The following TYW3 variants were observed in gnomAD, a reference collection of about 807,000 sequenced individuals.
The protein encoded by TYW3 is tRNA wybutosine-synthesizing protein 3 homolog.
TYW3 carries 26 observed loss-of-function variants against 23.1 expected under a neutral mutation model. That is an observed-to-expected ratio of 1.13 (90% CI 0.83 to 1.56). The LOEUF (loss-of-function observed/expected upper bound fraction) is 1.56. Ranked by LOEUF, TYW3 falls within the 40% of genes most tolerant of loss-of-function variation. The pLI is 0.00. For synonymous variants in TYW3, 102 were observed against 105.7 expected, an observed-to-expected ratio of 0.97 and a Z score of 0.21; for missense variants, 316 against 311.9, an observed-to-expected ratio of 1.01 and a Z score of -0.10.
Position 74,759,102 on chromosome 1 carries a change from A to G in TYW3, c.561-4792A>G, listed in dbSNP as rs368997963. ...TTCATAAATAGTGCTACTTTTTTTA[A>G]GGCTTCAAAGCATTAGGATGCTTAT... On this transcript the variant is annotated intron_variant, in intron 5 of 5. Transcript: ENST00000370867. 1.1e-3 allele frequency among the ~76,000 whole-genome samples: 169 copies of G among 152,314 alleles called. 3 individuals are homozygous for G. The highest frequency in any genetic ancestry group is 3.4e-3 in the Middle Eastern group (1 of 294).
At chr1:74,751,880 A>G (rs1224623782) in intron 4 of TYW3, among the ~76,000 whole-genome samples, 1 of 152,194 alleles carries the variant, frequency 6.6e-6, no homozygotes, top group Non-Finnish European at 1.5e-5. Context: ...TTACTCTTGT[A>G]ACTGTGCTCT....
At chr1:74,755,585 C>T (rs1048319185) in intron 5 of TYW3, among the ~76,000 whole-genome samples, 1 of 152,150 alleles carries the variant, frequency 6.6e-6, no homozygotes, top group Non-Finnish European at 1.5e-5. Context: ...TGTCAATGGA[C>T]ATTTAAGGTG....
At chr1:74,759,680 G>A (rs1281745323) in intron 5 of TYW3, among the ~76,000 whole-genome samples, 4 of 152,128 alleles carry the variant, frequency 2.6e-5, no homozygotes, top group African/African-American at 9.7e-5. Context: ...GGATCTCACT[G>A]TCACCCAGGC....
At chr1:74,754,663 G>A (rs1283241156) in intron 5 of TYW3, among the ~76,000 whole-genome samples, 2 of 151,750 alleles carry the variant, frequency 1.3e-5, no homozygotes, top group African/African-American at 4.8e-5. Context: ...TCAGCAATAA[G>A]AAATATTCTA....
At chr1:74,757,194 G>C (rs1392593185) in intron 5 of TYW3, among the ~76,000 whole-genome samples, 1 of 152,186 alleles carries the variant, frequency 6.6e-6, no homozygotes, top group Non-Finnish European at 1.5e-5. Flanking sequence ...GTCCCTACTC[G>C]GGCAATGCCT....
intron 5 of TYW3, among the ~76,000 whole-genome samples, 180 bp from the exon 6 acceptor site, chr1:74,763,714 C>G (rs1285459801): frequency 6.6e-6 from 1 of 152,030 alleles, no homozygotes; most frequent in African/African-American, 2.4e-5. Flanking sequence ...GTTTTCAGGG[C>G]TGTTCTTAAA....
At chr1:74,759,920 A>T (rs1269832381) in intron 5 of TYW3, among the ~76,000 whole-genome samples, 1 of 152,204 alleles carries the variant, frequency 6.6e-6, no homozygotes, top group East Asian at 1.9e-4. Context: ...TTGGGATTAC[A>T]TGCATAAGCC....
chr1:74,738,679 C>A lies in TYW3; in HGVS notation c.256-11C>A. On this transcript the variant is annotated splice_polypyrimidine_tract_variant and intron_variant, in intron 2 of 5. Coordinates refer to ENST00000370867, the MANE Select transcript of TYW3 (RefSeq NM_138467.3). ...TATACTTGCATCTGATACCACTGTT[C>A]ATTTATTTAGATTGTAGCTCTGAAG... 1 of 1,588,912 alleles carries A rather than the reference C, an allele frequency of 6.3e-7. No individual in the cohort carries two copies. Among genetic ancestry groups the A allele is most frequent in the Non-Finnish European group, 8.6e-7 (1 of 1,161,806 alleles).
At position 74,744,350 on chromosome 1, in the gene TYW3, TC is replaced by T. The variant is rs1159082603; in HGVS notation, c.355-4400del. ...GCCCTCAGGTGGCCATTTTTCCCCA[TC>T]AGAGAGAGAATATTGGGGCCAAGCT... On this transcript the variant is annotated intron_variant, in intron 3 of 5. Coordinates refer to ENST00000370867, the MANE Select transcript of TYW3 (RefSeq NM_138467.3). Among the ~76,000 whole-genome samples, 172 of 151,692 alleles carry T rather than the reference TC, an allele frequency of 1.1e-3. 1 individual carries two copies. The highest frequency in any genetic ancestry group is 3.9e-3 in the African/African-American group (160 of 41,344).
rs574838472 is a variant in TYW3 at position 74,764,860 on chromosome 1, A to G, written c.*747A>G. 1 of 152,318 alleles carries G rather than the reference A, an allele frequency of 6.6e-6. No homozygotes were observed. Among genetic ancestry groups the G allele is most frequent in the South Asian group, 2.1e-4 (1 of 4,824 alleles). The allele number at this position is 152,318 out of a possible 1,614,324, so 9.4% of individuals were successfully genotyped here. A position where few individuals can be genotyped will look rare whatever the true frequency, so the allele number is the denominator to read the frequency against. Reference sequence around the variant, plus strand: ...GGTATATAATGGATATGAGGCATCAAAAAGCATGGTATAGTCAGTGATGGG... The same window carrying G: ...GGTATATAATGGATATGAGGCATCAGAAAGCATGGTATAGTCAGTGATGGG... On this transcript the variant is annotated 3_prime_UTR_variant, in exon 6 of 6. Coordinates refer to ENST00000370867, the MANE Select transcript of TYW3 (RefSeq NM_138467.3).
intron 5 of TYW3, among the ~76,000 whole-genome samples, chr1:74,755,399 T>C (rs780500582): frequency 1.3e-5 from 2 of 152,216 alleles, no homozygotes; most frequent in Admixed American, 1.3e-4. Flanking sequence ...AATTCCACTA[T>C]TATAGGTAAT....
chr1:74,745,926 C>T (rs1006517735), intron 3 of TYW3, among the ~76,000 whole-genome samples: 1 of 152,178 alleles, frequency 6.6e-6, no homozygotes, highest in African/African-American at 2.4e-5. Flanking sequence ...CTTGTTTCTT[C>T]TACTTCTTGT....
chr1:74,761,361 A>G (rs1448967715), intron 5 of TYW3, among the ~76,000 whole-genome samples: 1 of 151,464 alleles, frequency 6.6e-6, no homozygotes, highest in Non-Finnish European at 1.5e-5. Flanking sequence ...AAAGTAAGGC[A>G]TACATTCCTT....
chr1:74,752,069 G>A (rs958573645), intron 4 of TYW3, among the ~76,000 whole-genome samples: 2 of 152,184 alleles, frequency 1.3e-5, no homozygotes, highest in African/African-American at 2.4e-5. Flanking sequence ...GAAAGGTAAC[G>A]TACAGAATAT....
chr1:74,747,879 A>G (rs1055640275), intron 3 of TYW3, among the ~76,000 whole-genome samples: 1 of 119,982 alleles, frequency 8.3e-6, no homozygotes, highest in Non-Finnish European at 2.2e-5. Context: ...ACACATACAC[A>G]CACATATACA....
At chr1:74,733,576 G>A (rs1334061815) in intron 1 of TYW3, 158 bp downstream of exon 1, 1 of 983,870 alleles carries the variant, frequency 1.0e-6, no homozygotes. Flanking sequence ...GATTAGATCA[G>A]TGCTTCTAAA....
intron 3 of TYW3, among the ~76,000 whole-genome samples, chr1:74,743,308 C>T (rs931226449): frequency 5.3e-5 from 8 of 152,128 alleles, no homozygotes; most frequent in Admixed American, 2.6e-4. Context: ...TCTCGGATCT[C>T]GCTTTTCCTT....
Position 74,764,029 on chromosome 1 carries a change from TACTA to T in TYW3, c.698_701del (p.Thr233LysfsTer15). On this transcript the variant is annotated frameshift_variant, in exon 6 of 6. Coordinates refer to ENST00000370867, the MANE Select transcript of TYW3 (RefSeq NM_138467.3). LOFTEE classifies it low-confidence loss of function (END_TRUNC). Reference sequence around the variant, plus strand: ...CAGAAAAAACACGTGCCCAGTGTATTACTAAAGAAAGTGATGAAGAACTTGAAAA... The same window carrying T: ...CAGAAAAAACACGTGCCCAGTGTATTAAGAAAGTGATGAAGAACTTGAAAA... The T allele has an allele frequency of 6.2e-7, 1 of 1,613,318 alleles. No homozygotes were observed. Among genetic ancestry groups the T allele is most frequent in the Non-Finnish European group, 8.5e-7 (1 of 1,179,632 alleles).
At chr1:74,743,598 G>C (rs1648440469) in intron 3 of TYW3, among the ~76,000 whole-genome samples, 2 of 152,040 alleles carry the variant, frequency 1.3e-5, no homozygotes, top group African/African-American at 2.4e-5. Flanking sequence ...GTAATTCATG[G>C]GCTTTTTCCT....
Sources: allele counts gnomAD v4.1 joint callset (sites outside exome capture counted in the v4.1 genomes callset), GRCh38; gene constraint gnomAD v4.1.1; transcripts MANE v1.5; gene names NCBI Gene and HGNC (gene_info 2026-07-23, HGNC 2026-07-21).